MFN1: variants seen among roughly 807,000 people sequenced by gnomAD.
The protein encoded by MFN1 is mitofusin-1.
In MFN1, 65 loss-of-function variants were observed where a neutral mutation model predicts 92.4. The observed-to-expected ratio is 0.70, with a 90% confidence interval of 0.58 to 0.86. The LOEUF (loss-of-function observed/expected upper bound fraction) is 0.86. MFN1 is among the 40% of genes least tolerant of loss of function. The pLI is 0.00. For missense variants in MFN1, 781 were observed against 868.0 expected, an observed-to-expected ratio of 0.90 and a Z score of 1.26; for synonymous variants, 297 against 300.9, an observed-to-expected ratio of 0.99 and a Z score of 0.13.
chr3:179,394,479 G>C lies in MFN1; in HGVS notation c.*2420G>C, dbSNP rs547932657. 2.9e-5 allele frequency: 4 copies of C among 139,522 alleles called. No individual in the cohort carries two copies. Among genetic ancestry groups the C allele is most frequent in the South Asian group, 2.3e-4 (1 of 4,352 alleles). The allele number at this position is 139,522 out of a possible 1,614,324, so 8.6% of individuals were successfully genotyped here. ...CGCCCAGGCTGGAGTGCAGTGGCGC[G>C]ATCTCGGCTCACTGCAAGCTCCGCC... is the stretch of plus-strand genomic sequence containing the variant. On this transcript the variant is annotated 3_prime_UTR_variant, in exon 18 of 18. Transcript: ENST00000471841.
chr3:179,354,463 A>G (rs1712272222), intron 3 of MFN1, among the ~76,000 whole-genome samples: 1 of 152,200 alleles, frequency 6.6e-6, no homozygotes, highest in African/African-American at 2.4e-5. Flanking sequence ...AACCTTAGAT[A>G]TAATGGGGAG....
chr3:179,373,649 T>A (rs1386353552), intron 9 of MFN1, among the ~76,000 whole-genome samples: 1 of 152,024 alleles, frequency 6.6e-6, no homozygotes, highest in Admixed American at 6.5e-5. Context: ...ATAAGACAAA[T>A]TGTAATATAA....
At position 179,385,731 on chromosome 3, in the gene MFN1, A is replaced by G; in HGVS notation, c.1815+10A>G. The G allele has an allele frequency of 6.2e-7, 1 of 1,611,860 alleles. No individual in the cohort carries two copies. Among genetic ancestry groups the G allele is most frequent in the Non-Finnish European group, 8.5e-7 (1 of 1,179,176 alleles). ...TATTGTTGGAGGAGTGGTAAGAAACATTACTTTTAGTATAATTAAAATCGA... is the reference window on the plus strand; with the variant it reads ...TATTGTTGGAGGAGTGGTAAGAAACGTTACTTTTAGTATAATTAAAATCGA... On this transcript the variant is annotated intron_variant, in intron 15 of 17. Coordinates refer to ENST00000471841, the MANE Select transcript of MFN1 (RefSeq NM_033540.3).
chr3:179,375,524 A>G (rs1272029986), intron 10 of MFN1, among the ~76,000 whole-genome samples, 183 bp downstream of exon 10: 3 of 152,240 alleles, frequency 2.0e-5, no homozygotes, highest in Non-Finnish European at 2.9e-5. Context: ...TTATTCTGCA[A>G]CCTTGCACAC....
At chr3:179,375,133 GT>G (rs1713188122) in intron 9 of MFN1, 86 bp from the exon 10 acceptor site, 2 of 1,380,708 alleles carry the variant, frequency 1.4e-6, no homozygotes, top group African/African-American at 1.5e-5. Context: ...TTGGGTTAAA[GT>G]TACAAACAGC....
chr3:179,366,234 G>A (rs1286246166), intron 7 of MFN1, among the ~76,000 whole-genome samples: 1 of 152,090 alleles, frequency 6.6e-6, no homozygotes, highest in Non-Finnish European at 1.5e-5. Flanking sequence ...AGTAAACCAT[G>A]GGTATATGTA....
Position 179,367,558 on chromosome 3 carries a change from T to C in MFN1, c.873T>C (p.Ala291=). Residue 291 remains alanine (A), a synonymous_variant, in exon 8 of 18, where the codon GCT becomes GCC. Coordinates refer to ENST00000471841, the MANE Select transcript of MFN1 (RefSeq NM_033540.3). ...TTTCAGCAAAGGAAGTTCTTAGTGC[T>C]AGAAAGCAAAAAGCACAGGGGATGC... ...FFVSAKEVLS[A]RKQKAQGMPE... 1.9e-6 allele frequency: 3 copies of C among 1,613,078 alleles called. No homozygotes were observed. The highest frequency in any genetic ancestry group is 1.7e-4 in the Middle Eastern group (1 of 6,050).
rs1418284250 is a variant in MFN1 at position 179,378,714 on chromosome 3, T to C, written c.1562T>C (p.Val521Ala). The stretch of plus-strand genomic sequence containing the variant: ...TGTTCAGATTTTCAAGAGGATATTG[T>C]ATTTCGTTTTTCCCTGGGCTGGTCT... ...KLCSDFQEDI[V>A]FRFSLGWSSL... Residue 521 changes from valine (V) to alanine (A), a missense_variant, in exon 14 of 18, where the codon GTA (valine) becomes GCA (alanine). Transcript: ENST00000471841. 2 of 1,613,918 alleles carry C rather than the reference T, an allele frequency of 1.2e-6. No individual in the cohort carries two copies. The highest frequency in any genetic ancestry group is 1.7e-5 in the Admixed American group (1 of 60,018).
At chr3:179,359,113 C>A in intron 4 of MFN1, 111 bp downstream of exon 4, 2 of 1,199,860 alleles carry the variant, frequency 1.7e-6, no homozygotes, top group Non-Finnish European at 2.2e-6. Flanking sequence ...ATAAAAAGAA[C>A]TGTTAATATT....
intron 7 of MFN1, among the ~76,000 whole-genome samples, chr3:179,366,130 A>C (rs1712779864): frequency 6.6e-6 from 1 of 152,150 alleles, no homozygotes; most frequent in Non-Finnish European, 1.5e-5. Context: ...GCATCTAATG[A>C]GTAGAGGTTA....
intron 9 of MFN1, among the ~76,000 whole-genome samples, chr3:179,372,828 T>A: frequency 6.6e-6 from 1 of 152,212 alleles, no homozygotes; most frequent in East Asian, 1.9e-4. Context: ...TTTAAAAATA[T>A]TTTTGTTTTT....
At position 179,390,155 on chromosome 3, in the gene MFN1, T is replaced by A. The variant is rs768687748; in HGVS notation, c.2147+17T>A. 79 of 1,518,512 alleles carry A rather than the reference T, an allele frequency of 5.2e-5. No homozygotes were observed. The Middle Eastern group carries it at 5.8e-4, about 11-fold the overall frequency. The allele number at this position is 1,518,512 out of a possible 1,614,324, so 94.1% of individuals were successfully genotyped here. ...GCTCTTAAGGTATTTAAACCTTTCT[T>A]CTCAATAATTTGAACATTTACTGGT... On this transcript the variant is annotated intron_variant, in intron 17 of 17. Transcript: ENST00000471841.
rs778179161 is a variant in MFN1 at position 179,367,443 on chromosome 3, G to A, written c.758G>A (p.Arg253His). 15 of 1,608,026 alleles carry A rather than the reference G, an allele frequency of 9.3e-6. No individual in the cohort carries two copies. The East Asian group carries it at 1.6e-4, about 17-fold the overall frequency. The change falls in exon 8 of 18, where the codon CGC (arginine) becomes CAC (histidine). Residue 253 changes from arginine (R) to histidine (H), a missense_variant. Arg to His is a conservative substitution (Grantham distance 29). Coordinates refer to ENST00000471841, the MANE Select transcript of MFN1 (RefSeq NM_033540.3). ...TTAATACCGTTTTCTCTGTAGGTACGCAGACAGCACATGGAAAGATGCCTG... is the reference window on the plus strand; with the variant it reads ...TTAATACCGTTTTCTCTGTAGGTACACAGACAGCACATGGAAAGATGCCTG... Reference protein sequence around the residue: ...ASEPEYMEDVRRQHMERCLHF... With the variant: ...ASEPEYMEDVHRQHMERCLHF...
intron 14 of MFN1, among the ~76,000 whole-genome samples, chr3:179,380,532 C>T (rs1043516409): frequency 6.6e-6 from 1 of 152,164 alleles, no homozygotes; most frequent in Non-Finnish European, 1.5e-5. Context: ...AGCTTGTGTG[C>T]ACTTGCAGGG....
Position 179,351,751 on chromosome 3 carries a change from C to T in MFN1, c.113-149C>T, listed in dbSNP as rs569937222. On this transcript the variant is annotated intron_variant, in intron 2 of 17. Transcript: ENST00000471841. ...GGGCGGGATTCTTGTGACCCATTGC[C>T]ACGGAGTATGCACCTTTTACCAAAC... The T allele has an allele frequency of 1.6e-5, 10 of 627,714 alleles. No homozygotes were observed. In the African/African-American group the frequency reaches 1.9e-4, roughly 12 times the overall value. The allele number at this position is 627,714 out of a possible 1,614,324, so 38.9% of individuals were successfully genotyped here.
At chr3:179,369,924 A>G (rs1012887076) in intron 9 of MFN1, among the ~76,000 whole-genome samples, 1 of 152,226 alleles carries the variant, frequency 6.6e-6, no homozygotes, top group African/African-American at 2.4e-5. Flanking sequence ...ACTTAAAGTC[A>G]TGGAATGTCC....
At position 179,367,528 on chromosome 3, in the gene MFN1, CTTT is replaced by C. The variant is rs975060028; in HGVS notation, c.844_846del (p.Phe282del). The C allele has an allele frequency of 1.9e-6, 3 of 1,613,462 alleles. No homozygotes were observed. The highest frequency in any genetic ancestry group is 2.5e-6 in the Non-Finnish European group (3 of 1,179,822). ...CTTTAGAAGCACAGAATCGTATCTT[CTTT>C]GTTTCAGCAAAGGAAGTTCTTAGTG... On this transcript the variant is annotated inframe_deletion, in exon 8 of 18. Coordinates refer to ENST00000471841, the MANE Select transcript of MFN1 (RefSeq NM_033540.3).
chr3:179,385,551 TCTC>T lies in MFN1; in HGVS notation c.1663-17_1663-15del. 1.4e-6 allele frequency: 2 copies of T among 1,462,282 alleles called. No individual in the cohort carries two copies. The highest frequency in any genetic ancestry group is 8.9e-7 in the Non-Finnish European group (1 of 1,129,392). 90.6% of individuals were successfully genotyped at this position (1,462,282 alleles called of 1,614,324 possible). On this transcript the variant is annotated splice_polypyrimidine_tract_variant and intron_variant, in intron 14 of 17. Transcript: ENST00000471841. ...TGTTTAAGTGTAATCTTTTTTCCTT[TCTC>T]TTTTTTTTTGGCAGCTCCCTAGATC...
chr3:179,369,316 A>G (rs62408874), intron 9 of MFN1, among the ~76,000 whole-genome samples: 28,340 of 152,008 alleles, frequency 0.19, 3,233 homozygotes, highest in Admixed American at 0.24. Context: ...GGCTCAAATG[A>G]TCCTCCCACC....
Sources: gnomAD v4.1 joint callset for allele counts (sites outside exome capture counted in the v4.1 genomes callset) on GRCh38, gnomAD v4.1.1 for gene constraint, MANE v1.5 for transcripts, NCBI Gene and HGNC (gene_info 2026-07-23, HGNC 2026-07-21) for gene names.